FASTKD3: variants seen among roughly 807,000 people sequenced by gnomAD.
FASTKD3 encodes FAST kinase domain-containing protein 3, mitochondrial.
A neutral mutation model predicts 49.7 loss-of-function variants in FASTKD3; 47 were observed. That is an observed-to-expected ratio of 0.95 (90% CI 0.75 to 1.21). The LOEUF (loss-of-function observed/expected upper bound fraction) is 1.21. Among genes scored for constraint, FASTKD3 ranks in the 50% most tolerant of loss-of-function variants. FASTKD3 has a pLI of 0.00. For synonymous variants in FASTKD3, 284 were observed against 288.6 expected (o/e 0.98, Z 0.16); for missense variants, 748 against 765.7 (o/e 0.98, Z 0.27).
At position 7,867,586 on chromosome 5, in the gene FASTKD3, A is replaced by G; in HGVS notation, c.498T>C (p.Phe166=). 1 of 1,614,270 alleles carries G rather than the reference A, an allele frequency of 6.2e-7. No homozygotes were observed. The highest frequency in any genetic ancestry group is 8.5e-7 in the Non-Finnish European group (1 of 1,180,052). ...TTGACAGCTGTGAGGGCTCCTTTTCAAACTGAAAGCATAAAGCTTGAAAGA... is the reference window on the plus strand; with the variant it reads ...TTGACAGCTGTGAGGGCTCCTTTTCGAACTGAAAGCATAAAGCTTGAAAGA... ...NSIFQALCFQ[F]EKEPSQLSNT... Residue 166 remains phenylalanine, a synonymous_variant, in exon 2 of 7, where the codon TTT becomes TTC. Transcript: ENST00000264669.
chr5:7,869,028 T>A lies in FASTKD3; in HGVS notation c.-163A>T, dbSNP rs758880942. 5 of 1,357,590 alleles carry A rather than the reference T, an allele frequency of 3.7e-6. No individual in the cohort carries two copies. Among genetic ancestry groups the A allele is most frequent in the Non-Finnish European group, 5.2e-6 (5 of 952,454 alleles). 84.1% of individuals were successfully genotyped at this position (1,357,590 alleles called of 1,614,324 possible). A position where few individuals can be genotyped will look rare whatever the true frequency, so the allele number is the denominator to read the frequency against. On this transcript the variant is annotated 5_prime_UTR_variant, in exon 1 of 7. Transcript: ENST00000264669. ...GGGTGGTCGCGGAAGCGCCTGGGCG[T>A]CGTGGGCCTCCGTAGCAAACGCGGG...
chr5:7,866,728 A>C lies in FASTKD3; in HGVS notation c.1356T>G (p.Leu452=). 1.2e-6 allele frequency: 2 copies of C among 1,613,784 alleles called. No homozygotes were observed. The highest frequency in any genetic ancestry group is 1.7e-6 in the Non-Finnish European group (2 of 1,179,912). The change falls in exon 2 of 7, where the codon CTT becomes CTG. Residue 452 remains leucine (L), a synonymous_variant. Coordinates refer to ENST00000264669, the MANE Select transcript of FASTKD3 (RefSeq NM_024091.4). ...GGCATTCATTAAGTGAACATGAATGAAGAAGTTTCAATAATGATTTGGGTG... is the reference window on the plus strand; with the variant it reads ...GGCATTCATTAAGTGAACATGAATGCAGAAGTTTCAATAATGATTTGGGTG... ...YFPPKSLLKL[L]HSCSLNECHP...
rs746809585 is a variant in FASTKD3 at position 7,862,966 on chromosome 5, T to G, written c.1556A>C (p.Lys519Thr). ...GGAACAGCATGGGGTAAGAAATGAC[T>G]TCACTTGATATTTAGGAAGGAGTTT... ...GPKLLPKYQV[K>T]SFLTPCCSLE... Residue 519 changes from lysine (K) to threonine (T), a missense_variant, in exon 4 of 7, where the codon AAG becomes ACG. Physicochemically the swap from Lys to Thr is moderately conservative, Grantham distance 78. Transcript: ENST00000264669. The G allele has an allele frequency of 1.2e-5, 19 of 1,613,796 alleles. No individual in the cohort carries two copies. The highest frequency in any genetic ancestry group is 8.3e-5 in the Admixed American group (5 of 59,960).
chr5:7,862,871 T>G lies in FASTKD3; in HGVS notation c.1651A>C (p.Arg551=). The G allele has an allele frequency of 6.2e-7, 1 of 1,614,028 alleles. No individual in the cohort carries two copies. Among genetic ancestry groups the G allele is most frequent in the South Asian group, 1.1e-5 (1 of 91,070 alleles). Residue 551 remains arginine, a synonymous_variant, in exon 4 of 7, where the codon AGA becomes CGA. Transcript: ENST00000264669. ...KIGLTNLLGA[R]LYFAPKVLTP... ...AACACTTTTGGAGCAAAATATAATCTTGCTCCTAAAAGGTTAGTCAGCCCA... is the reference window on the plus strand; with the variant it reads ...AACACTTTTGGAGCAAAATATAATCGTGCTCCTAAAAGGTTAGTCAGCCCA...
chr5:7,864,365 T>C (rs1386946778), intron 3 of FASTKD3, among the ~76,000 whole-genome samples: 3 of 152,152 alleles, frequency 2.0e-5, no homozygotes, highest in Non-Finnish European at 4.4e-5. Flanking sequence ...TAAAAGATAT[T>C]ATTTTTAAAA....
In FASTKD3 at chr5:7,867,185, A is replaced by G; in HGVS notation, c.899T>C (p.Leu300Pro). The change falls in exon 2 of 7, where the codon CTC becomes CCC. Residue 300 changes from leucine (L) to proline (P), a missense_variant. Around this residue, in one of 3 missense-constraint regions of FASTKD3, gnomAD observed 564 missense variants for 562.8 expected, o/e 1.00. Coordinates refer to ENST00000264669, the MANE Select transcript of FASTKD3 (RefSeq NM_024091.4). The stretch of plus-strand genomic sequence containing the variant: ...TTGATCAAGAACCACCAGGGCAGTG[A>G]GCATTTGGCTAATCAATTTAGGACT... ...NLSPKLISQM[L>P]TALVVLDQSQ... 3 of 1,614,202 alleles carry G rather than the reference A, an allele frequency of 1.9e-6. No homozygotes were observed. The highest frequency in any genetic ancestry group is 2.5e-6 in the Non-Finnish European group (3 of 1,180,040).
chr5:7,860,953 T>C (rs563695409), intron 6 of FASTKD3, among the ~76,000 whole-genome samples, 196 bp downstream of exon 6: 97 of 152,332 alleles, frequency 6.4e-4, no homozygotes, highest in African/African-American at 2.2e-3. Context: ...TGTGTACTTG[T>C]GTTCTTCCTA....
At position 7,867,590 on chromosome 5, in the gene FASTKD3, T is replaced by G; in HGVS notation, c.494A>C (p.Gln165Pro). The change falls in exon 2 of 7, where the codon CAG (glutamine) becomes CCG (proline). Residue 165 changes from glutamine (Q) to proline (P), a missense_variant. Physicochemically the swap from Gln to Pro is moderately conservative, Grantham distance 76. Transcript: ENST00000264669. The part of the protein sequence containing the change: ...ENSIFQALCF[Q>P]FEKEPSQLSN... Reference sequence around the variant, plus strand: ...CAGCTGTGAGGGCTCCTTTTCAAACTGAAAGCATAAAGCTTGAAAGATGCT... The same window carrying G: ...CAGCTGTGAGGGCTCCTTTTCAAACGGAAAGCATAAAGCTTGAAAGATGCT... The G allele has an allele frequency of 6.2e-7, 1 of 1,614,270 alleles. No homozygotes were observed. The highest frequency in any genetic ancestry group is 8.5e-7 in the Non-Finnish European group (1 of 1,180,050).
intron 3 of FASTKD3, 50 bp downstream of exon 3, chr5:7,865,848 G>A: frequency 1.4e-6 from 2 of 1,397,966 alleles, no homozygotes; most frequent in Non-Finnish European, 2.0e-6. Context: ...GAACTTAAAA[G>A]GAAACTGCAC....
At chr5:7,860,364 C>T (rs1402493092) in intron 6 of FASTKD3, among the ~76,000 whole-genome samples, 1 of 152,122 alleles carries the variant, frequency 6.6e-6, no homozygotes, top group Non-Finnish European at 1.5e-5. Flanking sequence ...TTTAAAAGGT[C>T]TTAAATATTA....
At chr5:7,862,479 A>G (rs566753352) in intron 4 of FASTKD3, among the ~76,000 whole-genome samples, 1 of 152,336 alleles carries the variant, frequency 6.6e-6, no homozygotes, top group South Asian at 2.1e-4. Context: ...TTATAGTAGT[A>G]GCTAACAATT....
chr5:7,863,941 C>T (rs1746743362), intron 3 of FASTKD3, among the ~76,000 whole-genome samples: 1 of 152,144 alleles, frequency 6.6e-6, no homozygotes, highest in Non-Finnish European at 1.5e-5. Context: ...ACCTCCGCCT[C>T]CTGGGTTGAG....
intron 3 of FASTKD3, among the ~76,000 whole-genome samples, chr5:7,864,469 T>A (rs538233840): frequency 1.6e-4 from 24 of 152,158 alleles, no homozygotes; most frequent in African/African-American, 5.5e-4. Flanking sequence ...ATAAGTAATA[T>A]TAAAAAGTAA....
In FASTKD3 at chr5:7,865,995, A is replaced by G. The variant is rs767517563; in HGVS notation, c.1439-12T>C. ...ATGAGATTCTTTACCTGAAACAGAA[A>G]GCATCCCAGTCATAGTTACGTCTGA... is the stretch of plus-strand genomic sequence containing the variant. On this transcript the variant is annotated splice_polypyrimidine_tract_variant and intron_variant, in intron 2 of 6. Transcript: ENST00000264669. 5 of 1,607,380 alleles carry G rather than the reference A, an allele frequency of 3.1e-6. No individual in the cohort carries two copies. Among genetic ancestry groups the G allele is most frequent in the East Asian group, 2.2e-5 (1 of 44,766 alleles).
chr5:7,867,058 T>C lies in FASTKD3; in HGVS notation c.1026A>G (p.Ile342Met), dbSNP rs748203371. ...EELRRVLEAFIYFGHHDTFFT... is the reference protein window; with the variant it reads ...EELRRVLEAFMYFGHHDTFFT... The stretch of plus-strand genomic sequence containing the variant: ...AAAATGTGTCATGGTGCCCAAAATA[T>C]ATGAACGCCTCCAAGACTCTCCTAA... Residue 342 changes from isoleucine (I) to methionine (M), a missense_variant, in exon 2 of 7, where the codon ATA becomes ATG. By Grantham distance (10) the Ile-to-Met change is conservative. This residue lies in a region of FASTKD3 where 564 missense variants were observed against 562.8 expected (regional missense o/e 1.00). Coordinates refer to ENST00000264669, the MANE Select transcript of FASTKD3 (RefSeq NM_024091.4). 38 of 1,614,178 alleles carry C rather than the reference T, an allele frequency of 2.4e-5. No individual in the cohort carries two copies. The highest frequency in any genetic ancestry group is 2.1e-4 in the South Asian group (19 of 91,080).
intron 3 of FASTKD3, among the ~76,000 whole-genome samples, chr5:7,865,174 G>C (rs1018452826): frequency 1.3e-5 from 2 of 152,178 alleles, no homozygotes; most frequent in African/African-American, 4.8e-5. Context: ...TTTGGGCGTA[G>C]AAACTGCTTT....
Position 7,869,018 on chromosome 5 carries a change from C to T in FASTKD3, c.-153G>A, listed in dbSNP as rs538159638. On this transcript the variant is annotated 5_prime_UTR_variant, in exon 1 of 7. Transcript: ENST00000264669. ...CAATCACTCCGGGTGGTCGCGGAAGCGCCTGGGCGTCGTGGGCCTCCGTAG... is the reference window on the plus strand; with the variant it reads ...CAATCACTCCGGGTGGTCGCGGAAGTGCCTGGGCGTCGTGGGCCTCCGTAG... The T allele has an allele frequency of 1.6e-6, 2 of 1,256,476 alleles. No individual in the cohort carries two copies. Among genetic ancestry groups the T allele is most frequent in the East Asian group, 2.3e-5 (1 of 43,150 alleles). 77.8% of individuals were successfully genotyped at this position (1,256,476 alleles called of 1,614,324 possible).
At chr5:7,866,113 T>C (rs760033875) in intron 2 of FASTKD3, 130 bp from the exon 3 acceptor site, 1 of 678,970 alleles carries the variant, frequency 1.5e-6, no homozygotes, top group Non-Finnish European at 2.5e-6. Context: ...CACTATGAAA[T>C]GAACTTGTTA....
intron 3 of FASTKD3, among the ~76,000 whole-genome samples, chr5:7,864,263 C>T (rs1164538872): frequency 1.3e-5 from 2 of 152,018 alleles, no homozygotes; most frequent in Admixed American, 6.6e-5. Context: ...TTCAAAACAA[C>T]ATGAACATAA....
Sources: gnomAD v4.1 joint callset for allele counts (sites outside exome capture counted in the v4.1 genomes callset) on GRCh38, gnomAD v4.1.1 for gene constraint, gnomAD v4.1.1 regional missense constraint, MANE v1.5 for transcripts, NCBI Gene and HGNC (gene_info 2026-07-23, HGNC 2026-07-21) for gene names.